The following CYB5R3 variants were observed in gnomAD, a reference collection of about 807,000 sequenced individuals.
CYB5R3 encodes the protein NADH-cytochrome b5 reductase 3.
A neutral mutation model predicts 36.5 loss-of-function variants in CYB5R3; 28 were observed. That is an observed-to-expected ratio of 0.77 (90% CI 0.57 to 1.05). The LOEUF (loss-of-function observed/expected upper bound fraction) is 1.05, where lower values mean the gene tolerates loss of function less well. Ranked by LOEUF, CYB5R3 falls within the 50% of genes least tolerant of loss-of-function variation. The pLI is 0.00. For synonymous variants in CYB5R3, 181 were observed against 159.8 expected (o/e 1.13, Z -1.00); for missense variants, 474 against 408.9 (o/e 1.16, Z -1.37).
intron 2 of CYB5R3, chr22:42,631,656 G>A (rs1026842365): frequency 1.1e-5 from 7 of 618,908 alleles, no homozygotes; most frequent in Admixed American, 5.0e-5. Flanking sequence ...CCAGGCGCAC[G>A]CTGGGTGTGT....
At chr22:42,626,273 G>A (rs1281037266) in intron 7 of CYB5R3, among the ~76,000 whole-genome samples, 4 of 152,220 alleles carry the variant, frequency 2.6e-5, no homozygotes, top group Admixed American at 6.5e-5. Context: ...TTGTGCCATT[G>A]CACTCCAGCC....
intron 8 of CYB5R3, among the ~76,000 whole-genome samples, chr22:42,620,907 A>G (rs1257653730): frequency 1.3e-5 from 2 of 152,158 alleles, no homozygotes; most frequent in Non-Finnish European, 2.9e-5. Flanking sequence ...TTTTGTACAA[A>G]TCCCAGTACT....
Position 42,630,853 on chromosome 22 carries a change from C to G in CYB5R3, c.333+29G>C, listed in dbSNP as rs377201774. On this transcript the variant is annotated intron_variant, in intron 4 of 8. Transcript: ENST00000352397. ...TTGCCATGGCCACCCACCCACACCCCCTCCACAGTCATGACCCAGAGGCTT... is the reference window on the plus strand; with the variant it reads ...TTGCCATGGCCACCCACCCACACCCGCTCCACAGTCATGACCCAGAGGCTT... 122 of 1,583,272 alleles carry G rather than the reference C, an allele frequency of 7.7e-5. 1 individual carries two copies. Among genetic ancestry groups the G allele is most frequent in the South Asian group, 5.6e-4 (50 of 88,552 alleles).
chr22:42,619,837 T>C lies in CYB5R3; in HGVS notation c.842A>G (p.Gln281Arg), dbSNP rs777581135. Residue 281 changes from glutamine (Q) to arginine (R), a missense_variant, in exon 9 of 9, where the codon CAG becomes CGG. Transcript: ENST00000352397. ...VLMCGPPPMI[Q>R]YACLPNLDHV... Reference sequence around the variant, plus strand: ...GTCCAGGTTGGGAAGGCAGGCGTACTGGATCATGGGTGGGGGGCCACACAT... The same window carrying C: ...GTCCAGGTTGGGAAGGCAGGCGTACCGGATCATGGGTGGGGGGCCACACAT... 7.8e-5 allele frequency: 125 copies of C among 1,604,474 alleles called. No homozygotes were observed. The highest frequency in any genetic ancestry group is 1.0e-4 in the Non-Finnish European group (119 of 1,176,738).
At chr22:42,631,522 A>G (rs1928621362) in intron 2 of CYB5R3, 72 bp from the exon 3 acceptor site, 20 of 1,335,134 alleles carry the variant, frequency 1.5e-5, no homozygotes, top group Non-Finnish European at 2.0e-5. Context: ...CAGGCCTCGG[A>G]GCCCCCATCC....
At chr22:42,636,615 C>T in intron 2 of CYB5R3, 100 bp downstream of exon 2, 1 of 1,534,958 alleles carries the variant, frequency 6.5e-7, no homozygotes, top group Middle Eastern at 2.0e-4. Context: ...AATGGGTGGA[C>T]AACAGTATCT....
chr22:42,626,314 A>G (rs1928264798), intron 7 of CYB5R3, among the ~76,000 whole-genome samples: 1 of 152,202 alleles, frequency 6.6e-6, no homozygotes, highest in Non-Finnish European at 1.5e-5. Flanking sequence ...TTGTATCAAA[A>G]TAAATAAATA....
At chr22:42,643,709 C>T (rs1472978557) in intron 1 of CYB5R3, among the ~76,000 whole-genome samples, 24 of 152,234 alleles carry the variant, frequency 1.6e-4, no homozygotes, top group Non-Finnish European at 1.5e-5. Flanking sequence ...CAGCATGGCC[C>T]AGGTGTTTCA....
At chr22:42,638,057 T>C (rs1448522528) in intron 1 of CYB5R3, among the ~76,000 whole-genome samples, 1 of 152,160 alleles carries the variant, frequency 6.6e-6, no homozygotes, top group Admixed American at 6.6e-5. Context: ...AAGACCAGCC[T>C]GGGCAACAGG....
intron 2 of CYB5R3, 187 bp from the exon 3 acceptor site, chr22:42,631,637 G>A (rs1265377979): frequency 3.1e-6 from 2 of 641,912 alleles, no homozygotes; most frequent in East Asian, 2.7e-5. Context: ...TGCGTGTGAG[G>A]TGCTGAGGCC....
intron 1 of CYB5R3, chr22:42,640,296 T>C: frequency 6.5e-7 from 1 of 1,537,516 alleles, no homozygotes; most frequent in Admixed American, 2.0e-5. Context: ...GGAAAGTCCA[T>C]CATCCCGAAT....
At position 42,631,056 on chromosome 22, in the gene CYB5R3, C is replaced by T. The variant is rs1201760591; in HGVS notation, c.227-68G>A. Reference sequence around the variant, plus strand: ...GCGGGTGACCCCTGGGTCTTGTCAACCCACTCCCCTGCACCCCACCCGGCA... The same window carrying T: ...GCGGGTGACCCCTGGGTCTTGTCAATCCACTCCCCTGCACCCCACCCGGCA... On this transcript the variant is annotated intron_variant, in intron 3 of 8. Transcript: ENST00000352397. 34 of 1,370,004 alleles carry T rather than the reference C, an allele frequency of 2.5e-5. 1 individual carries two copies. The highest frequency in any genetic ancestry group is 5.7e-5 in the African/African-American group (4 of 70,230). 84.9% of individuals were successfully genotyped at this position (1,370,004 alleles called of 1,614,324 possible).
chr22:42,624,207 C>T (rs185685012), intron 7 of CYB5R3, among the ~76,000 whole-genome samples: 1 of 152,124 alleles, frequency 6.6e-6, no homozygotes, highest in African/African-American at 2.4e-5. Flanking sequence ...CCAAGCTGCG[C>T]GACAGCAAAA....
At chr22:42,629,680 G>C (rs973046956) in intron 4 of CYB5R3, among the ~76,000 whole-genome samples, 4 of 152,200 alleles carry the variant, frequency 2.6e-5, no homozygotes, top group African/African-American at 9.7e-5. Flanking sequence ...GGCTCCAGGG[G>C]TACCTGAGGG....
At chr22:42,642,734 G>A (rs1156675628) in intron 1 of CYB5R3, among the ~76,000 whole-genome samples, 1 of 152,348 alleles carries the variant, frequency 6.6e-6, no homozygotes, top group African/African-American at 2.4e-5. Flanking sequence ...CACCTCGCCC[G>A]GCCAGTAATT....
In CYB5R3 at chr22:42,619,781, C is replaced by G; in HGVS notation, c.898G>C (p.Val300Leu). ...GTGACCGTGCCCGGCCCTCAGAAGACGAAGCAGCGCTCCGTGGGGTGGCCC... is the reference window on the plus strand; with the variant it reads ...GTGACCGTGCCCGGCCCTCAGAAGAGGAAGCAGCGCTCCGTGGGGTGGCCC... Reference protein sequence around the residue: ...HVGHPTERCFVF With the variant: ...HVGHPTERCFLF Residue 300 changes from valine (V) to leucine (L), a missense_variant, in exon 9 of 9, where the codon GTC becomes CTC. Coordinates refer to ENST00000352397, the MANE Select transcript of CYB5R3 (RefSeq NM_000398.7). 6.3e-7 allele frequency: 1 copy of G among 1,582,548 alleles called. No homozygotes were observed. The highest frequency in any genetic ancestry group is 8.6e-7 in the Non-Finnish European group (1 of 1,167,296).
chr22:42,630,980 T>C lies in CYB5R3; in HGVS notation c.235A>G (p.Ile79Val), dbSNP rs145994046. The change falls in exon 4 of 9, where the codon ATC (isoleucine) becomes GTC (valine). Residue 79 changes from isoleucine (I) to valine (V), a missense_variant. Physicochemically the swap from Ile to Val is conservative, Grantham distance 29. Coordinates refer to ENST00000352397, the MANE Select transcript of CYB5R3 (RefSeq NM_000398.7). ...CCATCAATTCGAGCCGAGAGGTAGA[T>C]GTGCTGGCCTGCAGGACAGAACGGG... ...HILGLPVGQHIYLSARIDGNL... is the reference protein window; with the variant it reads ...HILGLPVGQHVYLSARIDGNL... The C allele has an allele frequency of 3.2e-5, 51 of 1,613,696 alleles. No individual in the cohort carries two copies. Among genetic ancestry groups the C allele is most frequent in the Non-Finnish European group, 4.3e-5 (51 of 1,179,896 alleles).
rs67349863 is a variant in CYB5R3, at chr22:42,638,728, T to TAAAAAA, written c.22-1888_22-1883dup. On this transcript the variant is annotated intron_variant, in intron 1 of 8. Transcript: ENST00000352397. Reference sequence around the variant, plus strand: ...GCCTGGGAGACAGAGCAAGACTCCATAAAAAAAAAAAAAAAAAAAAAAGGC... The same window carrying TAAAAAA: ...GCCTGGGAGACAGAGCAAGACTCCATAAAAAAAAAAAAAAAAAAAAAAAAAAAAGGC... Among the ~76,000 whole-genome samples the TAAAAAA allele has an allele frequency of 8.8e-4, 42 of 47,514 alleles. 3 individuals carry two copies. The highest frequency in any genetic ancestry group is 3.8e-3 in the African/African-American group (35 of 9,108). The allele number at this position is 47,514 out of a possible 152,430, so 31.2% of individuals were successfully genotyped here.
chr22:42,640,125 A>C (rs2146901860), intron 1 of CYB5R3: 1 of 1,613,884 alleles, frequency 6.2e-7, no homozygotes, highest in East Asian at 2.2e-5. Flanking sequence ...TCAGGCTCTG[A>C]ATAGCTCTAG....
Sources: allele counts gnomAD v4.1 joint callset (sites outside exome capture counted in the v4.1 genomes callset), GRCh38; gene constraint gnomAD v4.1.1; transcripts MANE v1.5; gene names NCBI Gene and HGNC (gene_info 2026-07-23, HGNC 2026-07-21).